The following EYS variants were observed in gnomAD, a reference collection of about 807,000 sequenced individuals.
EYS encodes the protein protein eyes shut homolog.
A neutral mutation model predicts 282.1 loss-of-function variants in EYS; 250 were observed. The observed-to-expected ratio is 0.89, with a 90% CI of 0.80 to 0.98. The LOEUF is 0.98. Among genes scored for constraint, EYS ranks in the 50% least tolerant of loss-of-function variants. The pLI, the probability that EYS is intolerant of heterozygous loss-of-function variation, is 0.00. For missense variants in EYS, 4,016 were observed against 3,709.0 expected (o/e 1.08, Z -2.15); for synonymous variants, 1,355 against 1,282.9 (o/e 1.06, Z -1.20).
intron 26 of EYS, among the ~76,000 whole-genome samples, chr6:64,571,854 G>A (rs1315443027): frequency 1.3e-5 from 2 of 152,130 alleles, no homozygotes; most frequent in African/African-American, 4.8e-5. Flanking sequence ...GGTTCAAAGA[G>A]GAGCTGGTGC....
chr6:64,033,618 A>T (rs76485735), intron 33 of EYS, among the ~76,000 whole-genome samples: 4,037 of 152,148 alleles, frequency 0.027, 109 homozygotes, highest in East Asian at 0.069. Flanking sequence ...TAATTGTCAA[A>T]ATTTTTTATC....
chr6:63,790,793 G>A (rs554567566), intron 37 of EYS, among the ~76,000 whole-genome samples: 11 of 152,300 alleles, frequency 7.2e-5, no homozygotes, highest in African/African-American at 2.6e-4. Context: ...GTTGTGAATG[G>A]GAATTTTTCT....
chr6:64,795,711 A>G (rs973428956), intron 22 of EYS, among the ~76,000 whole-genome samples: 9 of 152,208 alleles, frequency 5.9e-5, no homozygotes, highest in African/African-American at 2.2e-4. Flanking sequence ...GACACTTTTA[A>G]TGAACTTCAG....
At chr6:64,465,552 A>G (rs1289418949) in intron 26 of EYS, among the ~76,000 whole-genome samples, 1 of 152,126 alleles carries the variant, frequency 6.6e-6, no homozygotes, top group Non-Finnish European at 1.5e-5. Context: ...CCACATGCAG[A>G]CTAATAAAAA....
chr6:65,355,359 A>T (rs1375504021), intron 8 of EYS, among the ~76,000 whole-genome samples: 1 of 151,456 alleles, frequency 6.6e-6, no homozygotes, highest in Non-Finnish European at 1.5e-5. Context: ...AAAAGTATTG[A>T]AATAAAAATT....
At chr6:64,984,274 C>A (rs1408332000) in intron 14 of EYS, among the ~76,000 whole-genome samples, 2 of 151,242 alleles carry the variant, frequency 1.3e-5, no homozygotes, top group East Asian at 3.9e-4. Flanking sequence ...GACTGATTCT[C>A]CCATTGGATG....
Position 64,057,875 on chromosome 6 carries a change from A to T in EYS, c.6725+8463T>A, listed in dbSNP as rs371375291. Among the ~76,000 whole-genome samples the T allele has an allele frequency of 2.0e-5, 3 of 152,154 alleles. No individual in the cohort carries two copies. The East Asian group carries it at 5.8e-4, about 29-fold the overall frequency. The stretch of plus-strand genomic sequence containing the variant: ...GAGACAGAGTCTCACTCTGTCACCC[A>T]GGCTGGAGTTTGGTGGTACGACCTT... On this transcript the variant is annotated intron_variant, in intron 33 of 42. Transcript: ENST00000503581.
chr6:64,950,786 C>CATAT (rs1212190228), intron 14 of EYS, among the ~76,000 whole-genome samples: 12 of 84,864 alleles, frequency 1.4e-4, no homozygotes, highest in Non-Finnish European at 2.4e-4. Context: ...AATATATACA[C>CATAT]ATATACATAT....
chr6:63,800,409 A>G (rs1326146554), intron 37 of EYS, among the ~76,000 whole-genome samples: 2 of 152,224 alleles, frequency 1.3e-5, no homozygotes, highest in Non-Finnish European at 2.9e-5. Context: ...ATTGATATAA[A>G]AGGAATGTAG....
intron 36 of EYS, among the ~76,000 whole-genome samples, chr6:63,807,914 A>G (rs1484726202): frequency 6.6e-6 from 1 of 152,212 alleles, no homozygotes; most frequent in Non-Finnish European, 1.5e-5. Flanking sequence ...CAATGTTGGC[A>G]TTAAAAACTA....
chr6:64,759,101 T>A (rs1272494712), intron 22 of EYS, among the ~76,000 whole-genome samples: 1 of 152,048 alleles, frequency 6.6e-6, no homozygotes, highest in African/African-American at 2.4e-5. Context: ...ATCACTCCAC[T>A]GCACTCCAAC....
chr6:64,529,464 C>G (rs1483872698), intron 26 of EYS, among the ~76,000 whole-genome samples: 1 of 152,012 alleles, frequency 6.6e-6, no homozygotes, highest in Non-Finnish European at 1.5e-5. Flanking sequence ...GATTAATCAT[C>G]TTTTTCATCC....
chr6:63,981,827 A>T (rs1263117847), intron 35 of EYS, among the ~76,000 whole-genome samples: 1 of 151,850 alleles, frequency 6.6e-6, no homozygotes, highest in East Asian at 1.9e-4. Context: ...TAGAGCTTCC[A>T]CGCTAGAATA....
intron 36 of EYS, among the ~76,000 whole-genome samples, chr6:63,837,684 C>A (rs999580850): frequency 3.3e-5 from 5 of 152,096 alleles, no homozygotes; most frequent in Non-Finnish European, 7.4e-5. Context: ...ATTGTGGTTT[C>A]AGTGTAACTA....
intron 12 of EYS, among the ~76,000 whole-genome samples, chr6:65,155,548 T>C (rs577279487): frequency 5.3e-5 from 8 of 151,662 alleles, no homozygotes; most frequent in African/African-American, 1.9e-4. Flanking sequence ...CTGAAATGTA[T>C]AGATTCATTT....
chr6:65,350,343 C>T (rs1357978773), intron 9 of EYS, among the ~76,000 whole-genome samples: 1 of 151,298 alleles, frequency 6.6e-6, no homozygotes, highest in African/African-American at 2.4e-5. Flanking sequence ...ACGTATAATG[C>T]ATAAATTATA....
At chr6:64,575,000 C>T (rs1210286946) in intron 26 of EYS, among the ~76,000 whole-genome samples, 2 of 151,972 alleles carry the variant, frequency 1.3e-5, no homozygotes. Context: ...GCACTAGTAT[C>T]AAAAGAAGAG....
chr6:63,881,317 C>G (rs114124925), intron 35 of EYS, among the ~76,000 whole-genome samples: 1,640 of 152,216 alleles, frequency 0.011, 24 homozygotes, highest in African/African-American at 0.038. Context: ...CACTATAGCA[C>G]AGAAATAGAA....
intron 12 of EYS, among the ~76,000 whole-genome samples, chr6:65,198,085 C>T (rs1013279582): frequency 1.3e-5 from 2 of 151,986 alleles, no homozygotes; most frequent in Non-Finnish European, 2.9e-5. Flanking sequence ...TTTATATAGG[C>T]TTTTTTCTAT....
Sources: gnomAD v4.1 joint callset for allele counts (sites outside exome capture counted in the v4.1 genomes callset) on GRCh38, gnomAD v4.1.1 for gene constraint, MANE v1.5 for transcripts, NCBI Gene and HGNC (gene_info 2026-07-23, HGNC 2026-07-21) for gene names.